The following RASA3 variants were observed in gnomAD, a reference collection of about 807,000 sequenced individuals.
The protein encoded by RASA3 is ras GTPase-activating protein 3.
In RASA3, 73 loss-of-function variants were observed where a neutral mutation model predicts 110.0. The ratio of observed to expected loss-of-function variants is 0.66; its 90% CI spans 0.55 to 0.81. The LOEUF is 0.81. Among genes scored for constraint, RASA3 ranks in the 30% least tolerant of loss-of-function variants. The pLI is 0.00. For synonymous variants in RASA3, 500 were observed against 451.4 expected (o/e 1.11, Z -1.37); for missense variants, 976 against 1,113.2 (o/e 0.88, Z 1.75).
At chr13:114,013,372 T>G in intron 14 of RASA3, 124 bp from the exon 15 acceptor site, 1 of 642,018 alleles carries the variant, frequency 1.6e-6, no homozygotes, top group Non-Finnish European at 2.7e-6. Flanking sequence ...TATCTCCACC[T>G]GTGTCTGTCT....
chr13:114,050,369 C>T (rs1385331848), intron 3 of RASA3, among the ~76,000 whole-genome samples: 3 of 152,238 alleles, frequency 2.0e-5, no homozygotes, highest in Non-Finnish European at 2.9e-5. Context: ...ACAGTGTTCC[C>T]GCTCAAAATG....
intron 1 of RASA3, among the ~76,000 whole-genome samples, chr13:114,129,074 C>T (rs1258048889): frequency 6.6e-6 from 1 of 152,256 alleles, no homozygotes; most frequent in Non-Finnish European, 1.5e-5. Flanking sequence ...GGAGGCACTG[C>T]ACGCCTTGGG....
intron 2 of RASA3, among the ~76,000 whole-genome samples, chr13:114,067,702 A>C (rs1369576080): frequency 3.3e-5 from 5 of 152,192 alleles, no homozygotes; most frequent in African/African-American, 1.2e-4. Flanking sequence ...TGTCTTTAAC[A>C]AACACCCACT....
Position 113,977,972 on chromosome 13 carries a change from C to G in RASA3, c.*1375G>C, listed in dbSNP as rs1041996461. 1 of 152,212 alleles carries G rather than the reference C, an allele frequency of 6.6e-6. No homozygotes were observed. The highest frequency in any genetic ancestry group is 1.5e-5 in the Non-Finnish European group (1 of 68,026). The allele number at this position is 152,212 out of a possible 1,614,324, so 9.4% of individuals were successfully genotyped here. On this transcript the variant is annotated 3_prime_UTR_variant, in exon 24 of 24. Transcript: ENST00000334062. ...CCAGTATTTTTGTGACAAGAAAGTT[C>G]CTATCTGCCATCTAGATCAAGAGCC...
At chr13:114,027,745 A>G (rs1376325502) in intron 6 of RASA3, 102 bp downstream of exon 6, 4 of 1,227,292 alleles carry the variant, frequency 3.3e-6, no homozygotes, top group Non-Finnish European at 4.8e-6. Flanking sequence ...TCAAAGCGCA[A>G]CCTCCTGACT....
chr13:113,989,931 C>A (rs2053068930), intron 22 of RASA3, among the ~76,000 whole-genome samples: 1 of 152,244 alleles, frequency 6.6e-6, no homozygotes, highest in South Asian at 2.1e-4. Context: ...CCACCCAAAT[C>A]TCAGGTCAGA....
At chr13:114,037,802 G>A (rs1198989888) in intron 4 of RASA3, among the ~76,000 whole-genome samples, 3 of 152,210 alleles carry the variant, frequency 2.0e-5, no homozygotes, top group Admixed American at 6.5e-5. Flanking sequence ...AAACGTCGGC[G>A]TCCTGGTTGA....
intron 1 of RASA3, among the ~76,000 whole-genome samples, chr13:114,111,679 C>G (rs1423811787): frequency 1.3e-5 from 2 of 152,262 alleles, no homozygotes; most frequent in African/African-American, 4.8e-5. Context: ...CAGAGCCCAG[C>G]GTCTCCATGT....
At chr13:113,998,750 A>C (rs1403761653) in intron 20 of RASA3, among the ~76,000 whole-genome samples, 2 of 152,236 alleles carry the variant, frequency 1.3e-5, no homozygotes. Flanking sequence ...CAGAAAACCG[A>C]AGGCCTGCAC....
intron 2 of RASA3, among the ~76,000 whole-genome samples, chr13:114,069,020 A>T (rs2079505792): frequency 6.6e-6 from 1 of 152,194 alleles, no homozygotes; most frequent in Non-Finnish European, 1.5e-5. Flanking sequence ...GAGGCCCCAC[A>T]GACTCCAGGG....
intron 13 of RASA3, 107 bp downstream of exon 13, chr13:114,016,090 T>A (rs1482912669): frequency 4.7e-5 from 47 of 989,562 alleles, no homozygotes; most frequent in Middle Eastern, 4.3e-4. Context: ...CTGGTCCTGC[T>A]CCCACCCCAA....
chr13:113,982,267 A>T (rs2052954022), intron 22 of RASA3, among the ~76,000 whole-genome samples: 1 of 152,226 alleles, frequency 6.6e-6, no homozygotes, highest in Non-Finnish European at 1.5e-5. Flanking sequence ...GCCCTGGGGC[A>T]GCCCTGAAGA....
chr13:114,093,838 GCTCT>G (rs1011249477), intron 1 of RASA3, among the ~76,000 whole-genome samples: 20 of 151,456 alleles, frequency 1.3e-4, no homozygotes, highest in East Asian at 3.9e-4. Flanking sequence ...TGCTACTAAT[GCTCT>G]CTCTTTCATT....
chr13:114,095,812 C>G (rs2079934656), intron 1 of RASA3, among the ~76,000 whole-genome samples: 1 of 152,188 alleles, frequency 6.6e-6, no homozygotes, highest in Non-Finnish European at 1.5e-5. Flanking sequence ...TCAGGTGACC[C>G]TGGGTCTCTT....
At chr13:114,082,069 G>A (rs542014673) in intron 1 of RASA3, among the ~76,000 whole-genome samples, 4 of 152,240 alleles carry the variant, frequency 2.6e-5, no homozygotes, top group Admixed American at 1.3e-4. Flanking sequence ...ACAGACATTC[G>A]TCTTGATTAG....
At chr13:114,013,098 G>A (rs202200364) in intron 15 of RASA3, 44 bp downstream of exon 15, 14 of 1,554,320 alleles carry the variant, frequency 9.0e-6, no homozygotes, top group African/African-American at 6.8e-5. Context: ...GGCCGGCGTC[G>A]CAGGACAGCT....
intron 1 of RASA3, among the ~76,000 whole-genome samples, chr13:114,080,348 G>A (rs989157543): frequency 3.3e-5 from 5 of 152,110 alleles, no homozygotes; most frequent in Non-Finnish European, 5.9e-5. Context: ...AGGGCTGTGC[G>A]GGCTGATTCC....
chr13:113,982,629 C>A (rs568589965), intron 22 of RASA3, among the ~76,000 whole-genome samples: 1 of 152,386 alleles, frequency 6.6e-6, no homozygotes, highest in South Asian at 2.1e-4. Flanking sequence ...ACTCCCGGAG[C>A]CAGCACCGAT....
intron 1 of RASA3, among the ~76,000 whole-genome samples, chr13:114,098,299 A>G (rs2079971798): frequency 6.6e-6 from 1 of 152,202 alleles, no homozygotes; most frequent in Non-Finnish European, 1.5e-5. Flanking sequence ...CTGAGAGGAC[A>G]GAGAACAGGC....
Sources: gnomAD v4.1 joint callset for allele counts (sites outside exome capture counted in the v4.1 genomes callset) on GRCh38, gnomAD v4.1.1 for gene constraint, MANE v1.5 for transcripts, NCBI Gene and HGNC (gene_info 2026-07-23, HGNC 2026-07-21) for gene names.